The following CSMD3 variants were observed in gnomAD, a reference collection of about 807,000 sequenced individuals.
CSMD3 encodes CUB and Sushi multiple domains 3, also known as CUB and sushi domain-containing protein 3.
A neutral mutation model predicts 435.2 loss-of-function variants in CSMD3; 177 were observed. The observed-to-expected ratio is 0.41, with a 90% CI of 0.36 to 0.46. The LOEUF is 0.46. Among genes scored for constraint, CSMD3 ranks in the 20% least tolerant of loss-of-function variants. CSMD3 has a pLI of 0.34. For synonymous variants in CSMD3, 1,656 were observed against 1,520.5 expected, an observed-to-expected ratio of 1.09 and a Z score of -2.07; for missense variants, 4,265 against 4,504.6, an observed-to-expected ratio of 0.95 and a Z score of 1.52.
At chr8:112,521,377 C>G (rs1369004829) in intron 27 of CSMD3, among the ~76,000 whole-genome samples, 1 of 151,894 alleles carries the variant, frequency 6.6e-6, no homozygotes, top group Non-Finnish European at 1.5e-5. Flanking sequence ...CTTTCAAAAA[C>G]CTTTCAGCAA....
intron 35 of CSMD3, among the ~76,000 whole-genome samples, chr8:112,399,098 G>C (rs924725967): frequency 2.0e-5 from 3 of 151,706 alleles, no homozygotes. Context: ...TGTATTTTTA[G>C]TAGAGACCAG....
At chr8:112,686,474 A>T (rs2076013784) in intron 14 of CSMD3, among the ~76,000 whole-genome samples, 1 of 151,424 alleles carries the variant, frequency 6.6e-6, no homozygotes, top group Non-Finnish European at 1.5e-5. Flanking sequence ...TATCTTCCAA[A>T]GTTTTCATTA....
At chr8:112,348,364 C>T (rs1825850174) in intron 40 of CSMD3, among the ~76,000 whole-genome samples, 1 of 152,186 alleles carries the variant, frequency 6.6e-6, no homozygotes, top group Non-Finnish European at 1.5e-5. Context: ...TAAAATCTCA[C>T]ATAAATTTTC....
intron 9 of CSMD3, among the ~76,000 whole-genome samples, chr8:112,943,821 C>T (rs2083523473): frequency 6.6e-6 from 1 of 151,528 alleles, no homozygotes; most frequent in Admixed American, 6.6e-5. Context: ...GAAACTGATC[C>T]ACTCTCCTTT....
intron 1 of CSMD3, among the ~76,000 whole-genome samples, chr8:113,332,649 C>T (rs1400829264): frequency 1.3e-5 from 2 of 151,528 alleles, no homozygotes; most frequent in African/African-American, 2.4e-5. Flanking sequence ...TGATAGATAT[C>T]CTTTTTTTCA....
intron 6 of CSMD3, among the ~76,000 whole-genome samples, chr8:113,018,365 A>C (rs1156694837): frequency 6.6e-6 from 1 of 152,066 alleles, no homozygotes; most frequent in African/African-American, 2.4e-5. Flanking sequence ...GCATTAAAAA[A>C]AACAAAAAAC....
At chr8:112,921,922 A>T (rs2082756475) in intron 9 of CSMD3, among the ~76,000 whole-genome samples, 171 bp from the exon 10 acceptor site, 1 of 152,114 alleles carries the variant, frequency 6.6e-6, no homozygotes, top group African/African-American at 2.4e-5. Context: ...CTATCATCAA[A>T]TTTAATCATC....
chr8:112,392,912 C>G (rs1215867241), intron 35 of CSMD3, among the ~76,000 whole-genome samples: 1 of 136,104 alleles, frequency 7.3e-6, no homozygotes, highest in East Asian at 2.2e-4. Flanking sequence ...GTCGCCTAGG[C>G]TGGAGTGCAG....
chr8:112,874,063 T>G (rs2081210201), intron 10 of CSMD3, among the ~76,000 whole-genome samples: 2 of 152,182 alleles, frequency 1.3e-5, no homozygotes, highest in African/African-American at 4.8e-5. Flanking sequence ...TAAATTTCCC[T>G]TTAAACATTG....
intron 27 of CSMD3, among the ~76,000 whole-genome samples, chr8:112,545,619 C>T (rs1827120792): frequency 6.6e-6 from 1 of 151,546 alleles, no homozygotes; most frequent in Non-Finnish European, 1.5e-5. Flanking sequence ...TATGTTCTAT[C>T]CTTGAAAGGT....
chr8:113,267,943 T>C (rs1216551694), intron 3 of CSMD3, among the ~76,000 whole-genome samples: 1 of 151,754 alleles, frequency 6.6e-6, no homozygotes, highest in Non-Finnish European at 1.5e-5. Context: ...GATCTTAAGA[T>C]AATCATTATA....
At chr8:112,787,103 T>C (rs1163135065) in intron 13 of CSMD3, among the ~76,000 whole-genome samples, 1 of 152,180 alleles carries the variant, frequency 6.6e-6, no homozygotes, top group Non-Finnish European at 1.5e-5. Context: ...ATGGTGAATA[T>C]GTGCCACATT....
intron 5 of CSMD3, among the ~76,000 whole-genome samples, chr8:113,037,533 T>C (rs2087407152): frequency 1.3e-5 from 2 of 152,124 alleles, no homozygotes. Context: ...ATCTGGTCTA[T>C]TTTACAAGCA....
intron 1 of CSMD3, among the ~76,000 whole-genome samples, chr8:113,343,195 C>G (rs914079033): frequency 6.6e-6 from 1 of 151,610 alleles, no homozygotes; most frequent in Non-Finnish European, 1.5e-5. Flanking sequence ...ACTTTTAAAG[C>G]TATTTAAGAG....
At position 112,645,369 on chromosome 8, in the gene CSMD3, TAGAGA is replaced by T. The variant is rs1408332635; in HGVS notation, c.3194-149_3194-145del. ...GTAATAACAGGTGTGCATGCAGCAC[TAGAGA>T]AGAAAAGTGTACTCAGTAGCATCTG... On this transcript the variant is annotated intron_variant, in intron 19 of 70. Transcript: ENST00000297405. 12 of 697,360 alleles carry T rather than the reference TAGAGA, an allele frequency of 1.7e-5. No individual in the cohort carries two copies. The African/African-American group carries it at 2.1e-4, about 12-fold the overall frequency. The allele number at this position is 697,360 out of a possible 1,614,324, so 43.2% of individuals were successfully genotyped here.
At chr8:112,824,068 T>C (rs941888792) in intron 12 of CSMD3, among the ~76,000 whole-genome samples, 1 of 152,186 alleles carries the variant, frequency 6.6e-6, no homozygotes, top group African/African-American at 2.4e-5. Flanking sequence ...CCCTTTACTA[T>C]TATGTAATAC....
intron 11 of CSMD3, among the ~76,000 whole-genome samples, chr8:112,834,195 T>A (rs976864119): frequency 6.6e-6 from 1 of 152,108 alleles, no homozygotes; most frequent in Non-Finnish European, 1.5e-5. Context: ...CTAATCCATA[T>A]ACTTTTGGAT....
At chr8:112,394,335 G>C (rs1376472782) in intron 35 of CSMD3, among the ~76,000 whole-genome samples, 2 of 151,734 alleles carry the variant, frequency 1.3e-5, no homozygotes, top group Non-Finnish European at 2.9e-5. Flanking sequence ...ACCTTGATAG[G>C]CTTCTAATCA....
intron 13 of CSMD3, among the ~76,000 whole-genome samples, chr8:112,711,749 T>C (rs1357890154): frequency 6.6e-6 from 1 of 152,142 alleles, no homozygotes; most frequent in African/African-American, 2.4e-5. Flanking sequence ...TATGTATTTA[T>C]TATGTGTTTA....
Sources: gnomAD v4.1 joint callset for allele counts (sites outside exome capture counted in the v4.1 genomes callset) on GRCh38, gnomAD v4.1.1 for gene constraint, MANE v1.5 for transcripts, NCBI Gene and HGNC (gene_info 2026-07-23, HGNC 2026-07-21) for gene names.